Variants in PRSS55 observed in about 807,000 individuals in gnomAD.
PRSS55 encodes serine protease 55.
PRSS55 carries 41 observed loss-of-function variants against 23.6 expected under a neutral mutation model. That is an observed-to-expected ratio of 1.74 (90% CI 1.35 to 2.26). PRSS55 has a LOEUF of 2.26. Among genes scored for constraint, PRSS55 ranks in the 30% most tolerant of loss-of-function variants. PRSS55 has a pLI of 0.00. For missense variants in PRSS55, 669 were observed against 439.1 expected (o/e 1.52, Z -4.68); for synonymous variants, 262 against 175.5 (o/e 1.49, Z -3.90).
At position 10,529,805 on chromosome 8, in the gene PRSS55, T is replaced by C. The variant is rs964410873; in HGVS notation, c.347+106T>C. 3 of 1,132,320 alleles carry C rather than the reference T, an allele frequency of 2.6e-6. No individual in the cohort carries two copies. In the African/African-American group the frequency reaches 4.7e-5, roughly 18 times the overall value. The allele number at this position is 1,132,320 out of a possible 1,614,324, so 70.1% of individuals were successfully genotyped here. On this transcript the variant is annotated intron_variant, in intron 2 of 4. Coordinates refer to ENST00000328655, the MANE Select transcript of PRSS55 (RefSeq NM_198464.4). ...CTGAGAGGAACCTGCGACTGCTCGG[T>C]ATCCAGTCGGCATGAATGGCTCCCA...
chr8:10,531,784 T>C, intron 3 of PRSS55: 2 of 565,790 alleles, frequency 3.5e-6, no homozygotes, highest in Non-Finnish European at 6.2e-6. Context: ...GTGGTTTGTG[T>C]GTTTAACTGA....
At chr8:10,532,490 T>G (rs1224031572) in intron 3 of PRSS55, among the ~76,000 whole-genome samples, 1 of 152,176 alleles carries the variant, frequency 6.6e-6, no homozygotes, top group Non-Finnish European at 1.5e-5. Flanking sequence ...TAAAGTTTTT[T>G]CACCGGGAGT....
chr8:10,530,125 A>C (rs926579365), intron 2 of PRSS55, among the ~76,000 whole-genome samples: 1 of 152,198 alleles, frequency 6.6e-6, no homozygotes, highest in African/African-American at 2.4e-5. Flanking sequence ...ATGTGGATGG[A>C]TGCCTGGCAT....
chr8:10,553,938 TA>T (rs1372252227), intron 4 of PRSS55: 7 of 1,489,694 alleles, frequency 4.7e-6, no homozygotes, highest in South Asian at 3.9e-5. Context: ...ATTTTTTTTT[TA>T]AAGCAAAGCT....
At chr8:10,544,224 C>T (rs926561389) in intron 4 of PRSS55, among the ~76,000 whole-genome samples, 1 of 152,088 alleles carries the variant, frequency 6.6e-6, no homozygotes, top group Non-Finnish European at 1.5e-5. Context: ...CGTATGTTTA[C>T]AGTTGTTATA....
chr8:10,553,919 G>A (rs777844840), intron 4 of PRSS55: 32 of 1,454,660 alleles, frequency 2.2e-5, no homozygotes, highest in Middle Eastern at 3.5e-4. Context: ...TTTTTAATTT[G>A]TCAATTTAAT....
chr8:10,543,772 A>G (rs1267382368), downstream of PRSS55, among the ~76,000 whole-genome samples: 1 of 151,698 alleles, frequency 6.6e-6, no homozygotes, highest in Non-Finnish European at 1.5e-5. Flanking sequence ...CTAATTTCCC[A>G]TGTAAGCTCT....
chr8:10,538,380 G>C (rs1812528418), intron 4 of PRSS55, 96 bp from the exon 5 acceptor site: 1 of 971,654 alleles, frequency 1.0e-6, no homozygotes, highest in Non-Finnish European at 1.5e-6. Context: ...GCCAGAGTTG[G>C]GGAGGCTGAG....
At chr8:10,542,594 G>C (rs140111740), downstream of PRSS55, among the ~76,000 whole-genome samples, 285 of 152,082 alleles carry the variant, frequency 1.9e-3, 1 homozygote, top group African/African-American at 6.8e-3. Context: ...ACCTGGACAG[G>C]CACGGTGGCT....
chr8:10,535,189 C>T (rs1812413734), intron 4 of PRSS55, among the ~76,000 whole-genome samples: 1 of 152,172 alleles, frequency 6.6e-6, no homozygotes, highest in Non-Finnish European at 1.5e-5. Flanking sequence ...CTACCAATGA[C>T]ATTATTCACA....
intron 3 of PRSS55, 120 bp downstream of exon 3, chr8:10,531,665 T>A: frequency 7.1e-7 from 1 of 1,410,864 alleles, no homozygotes; most frequent in Non-Finnish European, 9.5e-7. Context: ...CTCAGTGGAG[T>A]CTCACAGTGC....
Position 10,545,914 on chromosome 8 carries a change from T to C in PRSS55, c.742-8029T>C, listed in dbSNP as rs151182719. On this transcript the variant is annotated intron_variant, in intron 4 of 4. Coordinates refer to the PRSS55 transcript ENST00000522210. The stretch of plus-strand genomic sequence containing the variant: ...ATCTTCTATCTTTAGTCCTGGCTTA[T>C]TGCTCTTTGCTTGCGTGTGTGAATG... Among the ~76,000 whole-genome samples, 537 of 152,326 alleles carry C rather than the reference T, an allele frequency of 3.5e-3. 3 individuals carry two copies. Among genetic ancestry groups the C allele is most frequent in the African/African-American group, 0.012 (502 of 41,566 alleles).
rs770290935 is a variant in PRSS55 at position 10,531,470 on chromosome 8, A to G, written c.523A>G (p.Ile175Val). 5 of 1,614,086 alleles carry G rather than the reference A, an allele frequency of 3.1e-6. No individual in the cohort carries two copies. Among genetic ancestry groups the G allele is most frequent in the Non-Finnish European group, 4.2e-6 (5 of 1,180,046 alleles). The change falls in exon 3 of 5, where the codon ATC becomes GTC. Residue 175 changes from isoleucine (I) to valine (V), a missense_variant. Transcript: ENST00000328655. ...CAAGCTCGATGACCTGAAGGTGCCC[A>G]TCTGCCTCCCCACGCAGCCCGGCCC... ...PIKLDDLKVPICLPTQPGPAT... is the reference protein window; with the variant it reads ...PIKLDDLKVPVCLPTQPGPAT...
chr8:10,548,516 C>T (rs751373914), intron 4 of PRSS55, among the ~76,000 whole-genome samples: 23 of 152,110 alleles, frequency 1.5e-4, no homozygotes, highest in Non-Finnish European at 2.6e-4. Context: ...GCACTGGGTC[C>T]TGGGAGCTGG....
chr8:10,528,713 G>A (rs947572625), intron 1 of PRSS55, among the ~76,000 whole-genome samples: 3 of 152,168 alleles, frequency 2.0e-5, no homozygotes, highest in African/African-American at 4.8e-5. Flanking sequence ...CACACCTGGC[G>A]GCTTAAACAA....
rs763312969 is a variant in PRSS55 at position 10,532,951 on chromosome 8, T to C, written c.644T>C (p.Val215Ala). Residue 215 changes from valine (V) to alanine (A), a missense_variant, in exon 4 of 5, where the codon GTC (valine) becomes GCC (alanine). Val to Ala is a moderately conservative substitution (Grantham distance 64). Coordinates refer to ENST00000328655, the MANE Select transcript of PRSS55 (RefSeq NM_198464.4). ...VKTDLMKAPMVIMDWEECSKM... is the reference protein window; with the variant it reads ...VKTDLMKAPMAIMDWEECSKM... The stretch of plus-strand genomic sequence containing the variant: ...ACGGATCTGATGAAAGCGCCAATGG[T>C]CATCATGGACTGGGAGGAGTGTTCA... 1 of 1,614,180 alleles carries C rather than the reference T, an allele frequency of 6.2e-7. No individual in the cohort carries two copies. Among genetic ancestry groups the C allele is most frequent in the Non-Finnish European group, 8.5e-7 (1 of 1,180,030 alleles).
downstream of PRSS55, among the ~76,000 whole-genome samples, chr8:10,538,990 G>A (rs1259316371): frequency 2.0e-5 from 3 of 151,642 alleles, no homozygotes; most frequent in African/African-American, 7.3e-5. Flanking sequence ...TCCATTCTAG[G>A]TGACAGTCAC....
At chr8:10,536,222 G>A (rs912740195) in intron 4 of PRSS55, among the ~76,000 whole-genome samples, 1 of 151,624 alleles carries the variant, frequency 6.6e-6, no homozygotes, top group East Asian at 1.9e-4. Flanking sequence ...CTTCTCAAAA[G>A]AAGACATACA....
chr8:10,529,669 C>A lies in PRSS55; in HGVS notation c.317C>A (p.Ala106Glu), dbSNP rs759028808. The change falls in exon 2 of 5, where the codon GCG (alanine) becomes GAG (glutamate). Residue 106 changes from alanine (A) to glutamate (E), a missense_variant. Coordinates refer to ENST00000328655, the MANE Select transcript of PRSS55 (RefSeq NM_198464.4). ...SILNKWWILT[A>E]AHCLYSEELF... ...CTCAACAAGTGGTGGATTCTCACTG[C>A]GGCTCACTGCTTATATTCCGAGGAG... 4.3e-6 allele frequency: 7 copies of A among 1,613,978 alleles called. No homozygotes were observed. In the East Asian group the frequency reaches 6.7e-5, roughly 15 times the overall value.
Sources: gnomAD v4.1 joint callset for allele counts (sites outside exome capture counted in the v4.1 genomes callset) on GRCh38, gnomAD v4.1.1 for gene constraint, MANE v1.5 for transcripts, NCBI Gene and HGNC (gene_info 2026-07-23, HGNC 2026-07-21) for gene names.